The following POR variants were observed in gnomAD, a reference collection of about 807,000 sequenced individuals.
POR encodes NADPH--cytochrome P450 reductase.
In POR, 56 loss-of-function variants were observed where a neutral mutation model predicts 84.0. The observed-to-expected ratio is 0.67, with a 90% CI of 0.54 to 0.83. The LOEUF (loss-of-function observed/expected upper bound fraction) is 0.83, where lower values mean the gene tolerates loss of function less well. Ranked by LOEUF, POR falls within the 40% of genes least tolerant of loss-of-function variation. The pLI, the probability that POR is intolerant of heterozygous loss-of-function variation, is 0.00. For synonymous variants in POR, 414 were observed against 400.5 expected (o/e 1.03, Z -0.40); for missense variants, 938 against 944.3 (o/e 0.99, Z 0.09).
Position 75,984,939 on chromosome 7 carries a change from C to A in POR, c.1229C>A (p.Ser410Tyr), listed in dbSNP as rs1199751872. The change falls in exon 11 of 16, where the codon TCC (serine) becomes TAC (tyrosine). Residue 410 changes from serine to tyrosine, a missense_variant. Transcript: ENST00000461988. ...CAGGAGCTGCTGCGCAAGATGGCCT[C>A]CTCCTCCGGCGAGGGCAAGGTGCGC... 5 of 1,598,144 alleles carry A rather than the reference C, an allele frequency of 3.1e-6. No homozygotes were observed. The highest frequency in any genetic ancestry group is 3.4e-6 in the Non-Finnish European group (4 of 1,169,672).
chr7:75,967,797 TG>T, intron 2 of POR: 1 of 335,534 alleles, frequency 3.0e-6, no homozygotes, highest in Non-Finnish European at 6.0e-6. Context: ...CAGGGACTCA[TG>T]GGAGGCTTCA....
Position 75,952,571 on chromosome 7 carries a change from G to A in POR, c.-4-1418G>A, listed in dbSNP as rs532874886. 6.6e-3 allele frequency among the ~76,000 whole-genome samples: 994 copies of A among 151,272 alleles called. 7 individuals are homozygous for A. Among genetic ancestry groups the A allele is most frequent in the African/African-American group, 0.02 (824 of 41,138 alleles). ...GGGCTCCTCACTTCTCAGACGGGGC[G>A]GTTGCCAGGCAGAGGGTCTCCTCAC... is the stretch of plus-strand genomic sequence containing the variant. On this transcript the variant is annotated intron_variant, in intron 1 of 15. Coordinates refer to ENST00000461988, the MANE Select transcript of POR (RefSeq NM_000941.3).
chr7:75,932,281 A>C (rs1807458537), intron 1 of POR, among the ~76,000 whole-genome samples: 1 of 152,018 alleles, frequency 6.6e-6, no homozygotes. Flanking sequence ...CCCAGGTTCA[A>C]GTGATTCTCA....
chr7:75,922,904 G>T lies in POR; in HGVS notation c.-5+7725G>T. The T allele has an allele frequency of 4.7e-6, 3 of 639,356 alleles. No homozygotes were observed. The South Asian group carries it at 5.1e-5, about 11-fold the overall frequency. 39.6% of individuals were successfully genotyped at this position (639,356 alleles called of 1,614,324 possible). On this transcript the variant is annotated intron_variant, in intron 1 of 15. Coordinates refer to ENST00000461988, the MANE Select transcript of POR (RefSeq NM_000941.3). ...GAAGGAAAAGAGCTCAGGTTTAAAC[G>T]ACTGGAATCATTCCTACATGATTCC...
intron 1 of POR, chr7:75,947,202 A>G (rs142014877): frequency 4.1e-4 from 63 of 152,290 alleles, no homozygotes; most frequent in African/African-American, 1.4e-3. Flanking sequence ...CTGAGATACC[A>G]GGGACTCCAC....
intron 2 of POR, among the ~76,000 whole-genome samples, chr7:75,964,369 G>A (rs547843666): frequency 1.1e-4 from 17 of 151,018 alleles, no homozygotes; most frequent in Admixed American, 5.3e-4. Flanking sequence ...GTGCAATGGC[G>A]CAATCTCGGC....
chr7:75,948,626 G>A (rs1379772599), intron 1 of POR, among the ~76,000 whole-genome samples: 7 of 152,192 alleles, frequency 4.6e-5, no homozygotes, highest in African/African-American at 1.7e-4. Context: ...GATTATAAAG[G>A]CATTCCATAG....
intron 8 of POR, among the ~76,000 whole-genome samples, chr7:75,982,658 C>G (rs1554558292): frequency 6.6e-6 from 1 of 152,074 alleles, no homozygotes; most frequent in Non-Finnish European, 1.5e-5. Context: ...CATAGATAGA[C>G]TTGGGGGAGA....
chr7:75,980,652 C>A (rs1554557633), intron 5 of POR, 164 bp downstream of exon 5: 1 of 1,548,800 alleles, frequency 6.5e-7, no homozygotes, highest in Middle Eastern at 1.7e-4. Flanking sequence ...GACCCCAGCA[C>A]TACGAGAATG....
At position 75,945,844 on chromosome 7, in the gene POR, C is replaced by CT. The variant is rs201291854; in HGVS notation, c.-4-8139dup. 8.1e-3 allele frequency among the ~76,000 whole-genome samples: 1,231 copies of CT among 152,268 alleles called. 10 individuals are homozygous for CT. The highest frequency in any genetic ancestry group is 0.025 in the African/African-American group (1,056 of 41,550). On this transcript the variant is annotated intron_variant, in intron 1 of 15. Coordinates refer to ENST00000461988, the MANE Select transcript of POR (RefSeq NM_000941.3). ...ATCAGTGCTGAGTTGGTTGCTCAAT[C>CT]TTTTTTACGGACCAGAAGTTGCAAA...
rs370645073 is a variant in POR at position 75,985,968 on chromosome 7, C to T, written c.1715C>T (p.Ser572Leu). The T allele has an allele frequency of 2.1e-4, 337 of 1,587,314 alleles. 2 individuals are homozygous for T. In the South Asian group the frequency reaches 3.4e-3, roughly 16 times the overall value. The change falls in exon 14 of 16, where the codon TCG (serine) becomes TTG (leucine). Residue 572 changes from serine (S) to leucine (L), a missense_variant. Coordinates refer to ENST00000461988, the MANE Select transcript of POR (RefSeq NM_000941.3). Reference sequence around the variant, plus strand: ...CTGCTGTACTACGGCTGCCGCCGCTCGGATGAGGACTACCTGTACCGGGAG... The same window carrying T: ...CTGCTGTACTACGGCTGCCGCCGCTTGGATGAGGACTACCTGTACCGGGAG...
chr7:75,940,862 A>G (rs1563407403), intron 1 of POR, among the ~76,000 whole-genome samples: 1 of 151,912 alleles, frequency 6.6e-6, no homozygotes, highest in East Asian at 1.9e-4. Flanking sequence ...AAACACTATC[A>G]ACAACAAAGA....
chr7:75,951,001 G>T (rs1484007332), intron 1 of POR, among the ~76,000 whole-genome samples: 3 of 148,250 alleles, frequency 2.0e-5, no homozygotes, highest in African/African-American at 7.5e-5. Context: ...AGAGGTTGCA[G>T]TGAGCCGAGA....
At chr7:75,957,574 C>T (rs1359325542) in intron 2 of POR, among the ~76,000 whole-genome samples, 1 of 152,098 alleles carries the variant, frequency 6.6e-6, no homozygotes, top group African/African-American at 2.4e-5. Flanking sequence ...GGCAGCATTC[C>T]TCTCATAGCT....
At chr7:75,952,923 G>A (rs1185302677) in intron 1 of POR, among the ~76,000 whole-genome samples, 39 of 152,192 alleles carry the variant, frequency 2.6e-4, no homozygotes, top group Middle Eastern at 3.4e-3. Context: ...ACGGGGTGGC[G>A]GCCGGGCAGA....
chr7:75,981,237 G>T, intron 6 of POR, 65 bp downstream of exon 6: 1 of 1,472,320 alleles, frequency 6.8e-7, no homozygotes. Flanking sequence ...GGAACGTGAG[G>T]GGCGCGCACA....
At chr7:75,958,806 C>T (rs1365332883) in intron 2 of POR, among the ~76,000 whole-genome samples, 4 of 114,586 alleles carry the variant, frequency 3.5e-5, no homozygotes, top group South Asian at 2.7e-4. Flanking sequence ...TAGGGAGACC[C>T]CCACCCCCCC....
At chr7:75,919,656 C>T (rs1469624184) in intron 1 of POR, among the ~76,000 whole-genome samples, 1 of 151,814 alleles carries the variant, frequency 6.6e-6, no homozygotes, top group Non-Finnish European at 1.5e-5. Flanking sequence ...CCTCCCAAAA[C>T]GCTGGGATTA....
At chr7:75,923,603 G>T (rs1382643149) in intron 1 of POR, among the ~76,000 whole-genome samples, 1 of 151,984 alleles carries the variant, frequency 6.6e-6, no homozygotes, top group Non-Finnish European at 1.5e-5. Flanking sequence ...AAAGACAGTG[G>T]CTGGCCGGGC....
Sources: gnomAD v4.1 joint callset for allele counts (sites outside exome capture counted in the v4.1 genomes callset) on GRCh38, gnomAD v4.1.1 for gene constraint, MANE v1.5 for transcripts, NCBI Gene and HGNC (gene_info 2026-07-23, HGNC 2026-07-21) for gene names.